The following GHR variants were observed in gnomAD, a reference collection of about 807,000 sequenced individuals.
GHR encodes the protein growth hormone receptor.
Under a neutral mutation model 67.1 loss-of-function variants are expected in GHR, and 35 were observed. The observed-to-expected ratio is 0.52, with a 90% CI of 0.40 to 0.69. The LOEUF (loss-of-function observed/expected upper bound fraction) is 0.69, where lower values mean the gene tolerates loss of function less well. Ranked by LOEUF, GHR falls within the 30% of genes least tolerant of loss-of-function variation. GHR has a pLI of 0.00. For synonymous variants in GHR, 272 were observed against 269.1 expected, an observed-to-expected ratio of 1.01 and a Z score of -0.10; for missense variants, 792 against 764.6, an observed-to-expected ratio of 1.04 and a Z score of -0.42.
intron 1 of GHR, among the ~76,000 whole-genome samples, chr5:42,536,126 T>C (rs970091612): frequency 6.6e-6 from 1 of 152,120 alleles, no homozygotes; most frequent in African/African-American, 2.4e-5. Flanking sequence ...CAGTTTGACT[T>C]CCTTTTTACC....
rs757501794 is a variant in GHR, at chr5:42,719,427, T to G, written c.*3T>G. 70 of 1,611,102 alleles carry G rather than the reference T, an allele frequency of 4.3e-5. No individual in the cohort carries two copies. Among genetic ancestry groups the G allele is most frequent in the Non-Finnish European group, 5.8e-5 (68 of 1,179,636 alleles). ...AACTGAACAAAATCATGCCTTAGCC[T>G]TTCTTTGGTTTCCCAAGAGCTACGT... On this transcript the variant is annotated 3_prime_UTR_variant, in exon 10 of 10. Transcript: ENST00000230882.
At chr5:42,637,476 C>T (rs1263996568) in intron 3 of GHR, among the ~76,000 whole-genome samples, 1 of 152,036 alleles carries the variant, frequency 6.6e-6, no homozygotes, top group African/African-American at 2.4e-5. Context: ...TCTAGTAGTC[C>T]CCTGTGTCTA....
intron 3 of GHR, among the ~76,000 whole-genome samples, chr5:42,668,158 T>C (rs1259794699): frequency 6.6e-6 from 1 of 152,138 alleles, no homozygotes; most frequent in African/African-American, 2.4e-5. Context: ...TCTCAAAAAA[T>C]ATCCAAAAGA....
rs1456101921 is a variant in GHR at position 42,483,600 on chromosome 5, A to C, written c.-12+59645A>C. On this transcript the variant is annotated intron_variant, in intron 1 of 9. Transcript: ENST00000230882. ...GAATAGGGAAGTCATGTATGTTATCAACCACTTCCTAAATGATACCTAGTT... is the reference window on the plus strand; with the variant it reads ...GAATAGGGAAGTCATGTATGTTATCCACCACTTCCTAAATGATACCTAGTT... Among the ~76,000 whole-genome samples the C allele has an allele frequency of 3.9e-5, 6 of 152,328 alleles. No homozygotes were observed. The South Asian group carries it at 1.2e-3, about 32-fold the overall frequency.
chr5:42,515,702 G>C (rs2112281396), intron 1 of GHR, among the ~76,000 whole-genome samples: 1 of 152,354 alleles, frequency 6.6e-6, no homozygotes, highest in East Asian at 1.9e-4. Context: ...GTTCTCAGCT[G>C]TAGCTGTTTA....
chr5:42,577,541 C>A (rs1413539109), intron 2 of GHR, among the ~76,000 whole-genome samples: 1 of 152,166 alleles, frequency 6.6e-6, no homozygotes, highest in East Asian at 1.9e-4. Context: ...TCCCCACATT[C>A]ATGTACCATT....
At chr5:42,505,792 A>G (rs745900269) in intron 1 of GHR, among the ~76,000 whole-genome samples, 19 of 152,332 alleles carry the variant, frequency 1.2e-4, no homozygotes, top group Non-Finnish European at 2.4e-4. Flanking sequence ...CATAGTAAGC[A>G]CTTATTATAT....
At chr5:42,657,438 T>A (rs756669638) in intron 3 of GHR, among the ~76,000 whole-genome samples, 1 of 152,176 alleles carries the variant, frequency 6.6e-6, no homozygotes, top group Non-Finnish European at 1.5e-5. Context: ...AGTGGCCATC[T>A]ATCCTTTGGT....
In GHR at chr5:42,423,816, G is replaced by A. The variant is rs1039096093; in HGVS notation, c.-151G>A. ...AGCGGCAGCAGCAGCTGCTACAGTG[G>A]CGGTGGCGGCGGCGGCTGCTGCTGA... On this transcript the variant is annotated 5_prime_UTR_variant, in exon 1 of 10. Coordinates refer to ENST00000230882, the MANE Select transcript of GHR (RefSeq NM_000163.5). The A allele has an allele frequency of 3.0e-5, 5 of 164,516 alleles. No individual in the cohort carries two copies. Among genetic ancestry groups the A allele is most frequent in the Non-Finnish European group, 6.4e-5 (5 of 78,298 alleles). The allele number at this position is 164,516 out of a possible 1,614,324, so 10.2% of individuals were successfully genotyped here.
At chr5:42,643,263 G>A (rs887213511) in intron 3 of GHR, among the ~76,000 whole-genome samples, 1 of 152,172 alleles carries the variant, frequency 6.6e-6, no homozygotes, top group African/African-American at 2.4e-5. Flanking sequence ...AAGCTAAATA[G>A]GCTTCTTTAT....
intron 2 of GHR, among the ~76,000 whole-genome samples, chr5:42,617,837 A>G (rs775600215): frequency 6.6e-6 from 1 of 152,156 alleles, no homozygotes; most frequent in African/African-American, 2.4e-5. Flanking sequence ...ATTAAATAGA[A>G]TTCAAACAAG....
At chr5:42,492,926 A>G (rs1040822183) in intron 1 of GHR, among the ~76,000 whole-genome samples, 13 of 152,256 alleles carry the variant, frequency 8.5e-5, no homozygotes, top group Admixed American at 2.0e-4. Context: ...TAAAATGTAG[A>G]TAAGCCTACA....
chr5:42,453,312 T>G (rs1007568852), intron 1 of GHR, among the ~76,000 whole-genome samples: 1 of 152,140 alleles, frequency 6.6e-6, no homozygotes, highest in African/African-American at 2.4e-5. Context: ...ATACAGTTTA[T>G]TTACTGGTCT....
chr5:42,618,290 A>G (rs1033185843), intron 2 of GHR, among the ~76,000 whole-genome samples: 1 of 152,148 alleles, frequency 6.6e-6, no homozygotes, highest in Admixed American at 6.6e-5. Context: ...TGACCTTTAG[A>G]AAGTGAATCT....
At chr5:42,716,025 T>C (rs1758702282) in intron 8 of GHR, among the ~76,000 whole-genome samples, 1 of 152,188 alleles carries the variant, frequency 6.6e-6, no homozygotes, top group Non-Finnish European at 1.5e-5. Flanking sequence ...CATGCCTGAA[T>C]GCATCATCCT....
chr5:42,583,880 T>G (rs1051102853), intron 2 of GHR, among the ~76,000 whole-genome samples: 1 of 140,770 alleles, frequency 7.1e-6, no homozygotes, highest in Non-Finnish European at 1.6e-5. Context: ...TAAATAAAGA[T>G]ATATATATAT....
intron 1 of GHR, among the ~76,000 whole-genome samples, chr5:42,434,989 T>C (rs1485130897): frequency 1.3e-5 from 2 of 152,172 alleles, no homozygotes; most frequent in East Asian, 3.9e-4. Flanking sequence ...CTCTGAGCTT[T>C]ATCTGCAAAA....
chr5:42,687,395 G>T lies in GHR; in HGVS notation c.137-1495G>T, dbSNP rs568782470. On this transcript the variant is annotated intron_variant, in intron 3 of 9. Transcript: ENST00000230882. ...GTAAGCAAAAAGAACAAAGCTGAAGGCATCACGCTACCTGACCCAGCTTAT... is the reference window on the plus strand; with the variant it reads ...GTAAGCAAAAAGAACAAAGCTGAAGTCATCACGCTACCTGACCCAGCTTAT... Among the ~76,000 whole-genome samples, 11 of 152,274 alleles carry T rather than the reference G, an allele frequency of 7.2e-5. No individual in the cohort carries two copies. The South Asian group carries it at 2.3e-3, about 32-fold the overall frequency.
rs953133654 is a variant in GHR at position 42,513,563 on chromosome 5, C to T, written c.-11-52301C>T. Among the ~76,000 whole-genome samples, 3 of 152,136 alleles carry T rather than the reference C, an allele frequency of 2.0e-5. No homozygotes were observed. In the South Asian group the frequency reaches 6.2e-4, roughly 32 times the overall value. ...AGCACTTTGGGAGGCCGAGGTGGGC[C>T]GATCACCTGAGGAGTTCCAGCCCAG... On this transcript the variant is annotated intron_variant, in intron 1 of 9. Transcript: ENST00000230882.
Sources: allele counts gnomAD v4.1 joint callset (sites outside exome capture counted in the v4.1 genomes callset), GRCh38; gene constraint gnomAD v4.1.1; transcripts MANE v1.5; gene names NCBI Gene and HGNC (gene_info 2026-07-23, HGNC 2026-07-21).